The following UBASH3A variants were observed in gnomAD, a reference collection of about 807,000 sequenced individuals.
UBASH3A encodes the protein ubiquitin-associated and SH3 domain-containing protein A.
Under a neutral mutation model 73.5 loss-of-function variants are expected in UBASH3A, and 63 were observed. The observed-to-expected ratio is 0.86, with a 90% CI of 0.70 to 1.06. UBASH3A has a LOEUF of 1.06. Ranked by LOEUF, UBASH3A falls within the 50% of genes least tolerant of loss-of-function variation. UBASH3A has a pLI of 0.00. For synonymous variants in UBASH3A, 363 were observed against 351.1 expected (o/e 1.03, Z -0.38); for missense variants, 860 against 859.0 (o/e 1.00, Z -0.02).
rs150564154 is a variant in UBASH3A, at chr21:42,413,100, C to G, written c.431C>G (p.Thr144Arg). 2 of 1,614,224 alleles carry G rather than the reference C, an allele frequency of 1.2e-6. No homozygotes were observed. The highest frequency in any genetic ancestry group is 1.7e-5 in the Admixed American group (1 of 60,038). ...AGDRLLGSFP[T>R]AVPLALHSSI... ...GACAGGCTCCTGGGCTCCTTCCCCA[C>G]GGCCGTGCCTCTGGCTCTCCACTCC... Residue 144 changes from threonine (T) to arginine (R), a missense_variant, in exon 4 of 15, where the codon ACG becomes AGG. Coordinates refer to ENST00000319294, the MANE Select transcript of UBASH3A (RefSeq NM_018961.4). This position sits in a 1 kb window ranked among gnomAD's most constrained non-coding sequence, Gnocchi z 4.5.
intron 12 of UBASH3A, 123 bp from the exon 13 acceptor site, chr21:42,443,189 T>A (rs2053778997): frequency 7.1e-7 from 1 of 1,416,692 alleles, no homozygotes; most frequent in Non-Finnish European, 9.2e-7. Context: ...CTGTTGACCA[T>A]GAGCCTGCCT....
At chr21:42,429,015 G>T (rs2053486158) in intron 8 of UBASH3A, among the ~76,000 whole-genome samples, 1 of 152,134 alleles carries the variant, frequency 6.6e-6, no homozygotes, top group Admixed American at 6.5e-5. Flanking sequence ...ATGATCCTGG[G>T]TCATCCAGGA....
intron 9 of UBASH3A, among the ~76,000 whole-genome samples, chr21:42,433,204 G>A (rs1291450962): frequency 6.6e-6 from 1 of 152,212 alleles, no homozygotes; most frequent in Non-Finnish European, 1.5e-5. Context: ...AACTCCTGGT[G>A]GATCTTTTCC....
chr21:42,413,306 T>A lies in UBASH3A; in HGVS notation c.553+84T>A. ...GTGGCAGGGACTAGCCCCCGGCACA[T>A]GGATGCAGTGGGTGGGTTCCAGGGG... On this transcript the variant is annotated intron_variant, in intron 4 of 14. Transcript: ENST00000319294. The surrounding 1 kb of genome is among the most constrained non-coding windows in gnomAD (Gnocchi z 4.5). 1 of 1,550,456 alleles carries A rather than the reference T, an allele frequency of 6.4e-7. No individual in the cohort carries two copies. Among genetic ancestry groups the A allele is most frequent in the Non-Finnish European group, 8.9e-7 (1 of 1,127,180 alleles).
chr21:42,447,192 T>C lies in UBASH3A; in HGVS notation c.1984T>C (p.Ter662ArgextTer4), dbSNP rs777376422. 41 of 1,613,600 alleles carry C rather than the reference T, an allele frequency of 2.5e-5. No individual in the cohort carries two copies. In the South Asian group the frequency reaches 3.4e-4, roughly 13 times the overall value. The change falls in exon 15 of 15, where the codon TGA (stop) becomes CGA (arginine). Residue 662 changes from the stop codon to arginine (R), a stop_lost. Coordinates refer to ENST00000319294, the MANE Select transcript of UBASH3A (RefSeq NM_018961.4). ...FNWRNWISGN[*>R] is the part of the protein sequence containing the mutation. Reference sequence around the variant, plus strand: ...CTGGAGGAACTGGATCTCAGGCAACTGAGAGCCACGGTGATGTTGTCATAA... The same window carrying C: ...CTGGAGGAACTGGATCTCAGGCAACCGAGAGCCACGGTGATGTTGTCATAA...
chr21:42,405,640 A>G (rs367895129), intron 1 of UBASH3A, among the ~76,000 whole-genome samples: 2 of 152,304 alleles, frequency 1.3e-5, no homozygotes, highest in South Asian at 4.1e-4. Flanking sequence ...CGCTGTTTCC[A>G]GTCTGCATTC....
chr21:42,419,314 C>T (rs1331206243), intron 7 of UBASH3A, among the ~76,000 whole-genome samples: 3 of 152,074 alleles, frequency 2.0e-5, no homozygotes, highest in South Asian at 2.1e-4. Context: ...CTTTTTTGTT[C>T]GATGTTCTTC....
chr21:42,418,136 C>T (rs1186819424), intron 6 of UBASH3A, among the ~76,000 whole-genome samples: 3 of 152,112 alleles, frequency 2.0e-5, no homozygotes, highest in Non-Finnish European at 4.4e-5. Context: ...CCCACCTCGG[C>T]CTTCCAAAGT....
chr21:42,443,266 C>A (rs772027609), intron 12 of UBASH3A, 46 bp from the exon 13 acceptor site: 2 of 1,582,664 alleles, frequency 1.3e-6, no homozygotes, highest in East Asian at 4.6e-5. Flanking sequence ...CTTCCTAATC[C>A]CTACGAAAGT....
intron 3 of UBASH3A, chr21:42,410,623 A>C: frequency 1.1e-5 from 2 of 180,028 alleles, no homozygotes; most frequent in Non-Finnish European, 2.3e-5. Flanking sequence ...TTCCCCCTAC[A>C]TCGACATCAA....
chr21:42,419,465 T>C (rs1267783205), intron 7 of UBASH3A, among the ~76,000 whole-genome samples: 2 of 152,204 alleles, frequency 1.3e-5, no homozygotes, highest in African/African-American at 4.8e-5. Context: ...CATGGACAAT[T>C]TCATTAAACT....
chr21:42,413,379 G>C lies in UBASH3A; in HGVS notation c.554-31G>C, dbSNP rs779186087. 7 of 1,586,472 alleles carry C rather than the reference G, an allele frequency of 4.4e-6. No individual in the cohort carries two copies. The Admixed American group carries it at 8.5e-5, about 19-fold the overall frequency. On this transcript the variant is annotated intron_variant, in intron 4 of 14. Coordinates refer to ENST00000319294, the MANE Select transcript of UBASH3A (RefSeq NM_018961.4). This position sits in a 1 kb window ranked among gnomAD's most constrained non-coding sequence, Gnocchi z 4.5. ...GGGATGGCTGGGTGGGCTTTCTTCC[G>C]GGCTCAGTGGCTGCACCTGTCCTCA... is the stretch of plus-strand genomic sequence containing the variant.
rs1244639507 is a variant in UBASH3A, at chr21:42,406,297, C to A, written c.114-11C>A. ...CGACGTGACTTTGTGTCTGTGTCTG[C>A]TCTTCTGCAGGCTGAAAGCGTTGGC... On this transcript the variant is annotated splice_polypyrimidine_tract_variant and intron_variant, in intron 1 of 14. Transcript: ENST00000319294. 6.2e-7 allele frequency: 1 copy of A among 1,613,558 alleles called. No homozygotes were observed. Among genetic ancestry groups the A allele is most frequent in the Non-Finnish European group, 8.5e-7 (1 of 1,179,460 alleles).
Position 42,418,428 on chromosome 21 carries a change from C to T in UBASH3A, c.865C>T (p.Pro289Ser), listed in dbSNP as rs1376214441. ...QTLRALFQYK[P>S]QNVDELTLSP... Reference sequence around the variant, plus strand: ...CCTGAGAGCCCTATTCCAGTACAAACCCCAGAACGTGGATGAGCTGACGCT... The same window carrying T: ...CCTGAGAGCCCTATTCCAGTACAAATCCCAGAACGTGGATGAGCTGACGCT... Residue 289 changes from proline to serine, a missense_variant, in exon 7 of 15, where the codon CCC becomes TCC. Physicochemically the swap from Pro to Ser is moderately conservative, Grantham distance 74. Transcript: ENST00000319294. 1 of 1,614,198 alleles carries T rather than the reference C, an allele frequency of 6.2e-7. No homozygotes were observed. Among genetic ancestry groups the T allele is most frequent in the Non-Finnish European group, 8.5e-7 (1 of 1,180,024 alleles).
intron 10 of UBASH3A, among the ~76,000 whole-genome samples, chr21:42,435,863 A>C (rs2053617165): frequency 6.6e-6 from 1 of 152,068 alleles, no homozygotes; most frequent in South Asian, 2.1e-4. Flanking sequence ...TTAGTTATAG[A>C]GTTATAGAGT....
intron 13 of UBASH3A, among the ~76,000 whole-genome samples, chr21:42,444,197 A>G (rs2053805505): frequency 6.6e-6 from 1 of 152,120 alleles, no homozygotes; most frequent in South Asian, 2.1e-4. Flanking sequence ...GACCTTTCTA[A>G]AGTGAATCAG....
Position 42,433,303 on chromosome 21 carries a change from G to A in UBASH3A, c.1270+1101G>A, listed in dbSNP as rs142850414. Among the ~76,000 whole-genome samples, 434 of 152,274 alleles carry A rather than the reference G, an allele frequency of 2.9e-3. 2 individuals are homozygous for A. Among genetic ancestry groups the A allele is most frequent in the Non-Finnish European group, 5.0e-3 (340 of 68,018 alleles). Reference sequence around the variant, plus strand: ...GCAGGGTTTAATAAATCACAAGGAGGTATAGCCACGTCCTCCCCCAAGGTG... The same window carrying A: ...GCAGGGTTTAATAAATCACAAGGAGATATAGCCACGTCCTCCCCCAAGGTG... On this transcript the variant is annotated intron_variant, in intron 9 of 14. Coordinates refer to ENST00000319294, the MANE Select transcript of UBASH3A (RefSeq NM_018961.4).
rs780936098 is a variant in UBASH3A, at chr21:42,447,202, G to C, written c.*8G>C. ...TGGATCTCAGGCAACTGAGAGCCAC[G>C]GTGATGTTGTCATAACCTCAGAGTG... On this transcript the variant is annotated 3_prime_UTR_variant, in exon 15 of 15. Coordinates refer to ENST00000319294, the MANE Select transcript of UBASH3A (RefSeq NM_018961.4). 1 of 1,612,886 alleles carries C rather than the reference G, an allele frequency of 6.2e-7. No individual in the cohort carries two copies. The highest frequency in any genetic ancestry group is 1.7e-5 in the Admixed American group (1 of 59,826).
chr21:42,444,930 AGGAAG>A (rs1568944223), intron 14 of UBASH3A, among the ~76,000 whole-genome samples: 1 of 151,806 alleles, frequency 6.6e-6, no homozygotes, highest in Non-Finnish European at 1.5e-5. Flanking sequence ...CAGACGGTCC[AGGAAG>A]GAGTAAGCAG....
Sources: gnomAD v4.1 joint callset for allele counts (sites outside exome capture counted in the v4.1 genomes callset) on GRCh38, gnomAD v4.1.1 for gene constraint, Gnocchi (gnomAD v3.1) non-coding constraint, MANE v1.5 for transcripts, NCBI Gene and HGNC (gene_info 2026-07-23, HGNC 2026-07-21) for gene names.